MYOM2: variants seen among roughly 807,000 people sequenced by gnomAD.
MYOM2 encodes the protein myomesin-2.
In MYOM2, 254 loss-of-function variants were observed where a neutral mutation model predicts 187.6. That is an observed-to-expected ratio of 1.35 (90% CI 1.22 to 1.50). MYOM2 has a LOEUF of 1.50. MYOM2 is among the 40% of genes most tolerant of loss of function. The pLI is 0.00. For synonymous variants in MYOM2, 981 were observed against 753.8 expected (o/e 1.30, Z -4.94); for missense variants, 2,796 against 1,924.0 (o/e 1.45, Z -8.48).
At chr8:2,123,452 C>G in intron 29 of MYOM2, 87 bp downstream of exon 29, 1 of 1,470,388 alleles carries the variant, frequency 6.8e-7, no homozygotes, top group East Asian at 2.3e-5. Flanking sequence ...TAATTTGCAT[C>G]CTGAATTTCG....
At chr8:2,105,177 C>T (rs62478420) in intron 21 of MYOM2, among the ~76,000 whole-genome samples, 26,849 of 152,050 alleles carry the variant, frequency 0.18, 2,780 homozygotes, top group East Asian at 0.27. Flanking sequence ...AACCACAGCC[C>T]CAGAGTGTGA....
intron 32 of MYOM2, among the ~76,000 whole-genome samples, chr8:2,139,365 T>A (rs1798197053): frequency 6.6e-6 from 1 of 151,960 alleles, no homozygotes; most frequent in African/African-American, 2.4e-5. Flanking sequence ...GGTCTCCAAC[T>A]CCTGGGCTCA....
chr8:2,050,864 C>T lies in MYOM2; in HGVS notation c.98C>T (p.Ala33Val), dbSNP rs35578989. ...IQTRYLLDEY[A>V]SKKRASTQAS... ...ACACGGTACCTGCTGGACGAATATG[C>T]GTCAAAAAAGTAAGCTGACATTCGC... is the stretch of plus-strand genomic sequence containing the variant. Residue 33 changes from alanine to valine, a missense_variant, in exon 2 of 37, where the codon GCG (alanine) becomes GTG (valine). Transcript: ENST00000262113. 1.4e-5 allele frequency: 23 copies of T among 1,608,212 alleles called. No individual in the cohort carries two copies. In the South Asian group the frequency reaches 1.5e-4, roughly 11 times the overall value.
chr8:2,052,117 G>C (rs1326632392), intron 2 of MYOM2, 41 bp from the exon 3 acceptor site: 1 of 1,610,466 alleles, frequency 6.2e-7, no homozygotes, highest in Admixed American at 1.7e-5. Flanking sequence ...TCCATACTGT[G>C]CCTGAGCATG....
intron 13 of MYOM2, among the ~76,000 whole-genome samples, chr8:2,083,421 T>C (rs1480483703): frequency 1.1e-4 from 15 of 140,520 alleles, no homozygotes; most frequent in Non-Finnish European, 1.9e-4. Flanking sequence ...TCACGTGTGC[T>C]TAGCAGTATC....
intron 17 of MYOM2, among the ~76,000 whole-genome samples, chr8:2,094,612 C>T (rs558641385): frequency 1.3e-5 from 2 of 152,338 alleles, no homozygotes; most frequent in East Asian, 1.9e-4. Flanking sequence ...GATCGTGCCA[C>T]TGTACTCCAG....
chr8:2,073,859 G>A (rs1050901886), intron 10 of MYOM2, among the ~76,000 whole-genome samples: 22 of 152,212 alleles, frequency 1.4e-4, no homozygotes, highest in African/African-American at 5.3e-4. Flanking sequence ...CACAGTGTTG[G>A]AGTCCCAGGG....
chr8:2,140,704 T>TC lies in MYOM2; in HGVS notation c.3801-17dup. On this transcript the variant is annotated intron_variant, in intron 32 of 36. Coordinates refer to ENST00000262113, the MANE Select transcript of MYOM2 (RefSeq NM_003970.4). The stretch of plus-strand genomic sequence containing the variant: ...CATGGAGACCCTAACTCAGATACGT[T>TC]CCTGTTGCTCTTTTCAAGAGATGCT... 6.2e-7 allele frequency: 1 copy of TC among 1,612,352 alleles called. No homozygotes were observed. Among genetic ancestry groups the TC allele is most frequent in the Non-Finnish European group, 8.5e-7 (1 of 1,178,942 alleles).
chr8:2,144,426 G>A (rs886900007), intron 36 of MYOM2, among the ~76,000 whole-genome samples: 1 of 152,162 alleles, frequency 6.6e-6, no homozygotes, highest in African/African-American at 2.4e-5. Flanking sequence ...AGAATAAATA[G>A]GACACATGCT....
At chr8:2,130,839 C>G (rs780673606) in intron 32 of MYOM2, among the ~76,000 whole-genome samples, 29 of 152,136 alleles carry the variant, frequency 1.9e-4, no homozygotes, top group Non-Finnish European at 3.5e-4. Context: ...AATTGTTTAT[C>G]GGGATTTATT....
chr8:2,057,821 G>C (rs781658224), intron 5 of MYOM2, 41 bp downstream of exon 5: 3 of 1,593,960 alleles, frequency 1.9e-6, no homozygotes, highest in Non-Finnish European at 2.6e-6. Context: ...AGTCCATTCT[G>C]CGTTTTCTTT....
chr8:2,114,681 G>A (rs1186220323), intron 25 of MYOM2, among the ~76,000 whole-genome samples: 1 of 152,154 alleles, frequency 6.6e-6, no homozygotes, highest in Non-Finnish European at 1.5e-5. Flanking sequence ...TGTTGGCCAA[G>A]CTGGTCTCGA....
rs369321064 is a variant in MYOM2, at chr8:2,064,755, A to C, written c.654-4523A>C. On this transcript the variant is annotated intron_variant, in intron 6 of 36. Transcript: ENST00000262113. ...CGAGGGGGGCCGTGGCCTGGGGAAC[A>C]CATCTCCCTCCTCCTTCTCCTCCAT... 3.9e-5 allele frequency among the ~76,000 whole-genome samples: 6 copies of C among 152,268 alleles called. No individual in the cohort carries two copies. In the East Asian group the frequency reaches 1.2e-3, roughly 29 times the overall value.
chr8:2,104,057 C>T (rs768281348), intron 21 of MYOM2, among the ~76,000 whole-genome samples: 5 of 152,304 alleles, frequency 3.3e-5, no homozygotes, highest in Admixed American at 6.5e-5. Context: ...CATCTTCATG[C>T]TTGGCAGGGG....
chr8:2,105,285 C>T (rs1236640365), intron 21 of MYOM2, among the ~76,000 whole-genome samples: 1 of 152,220 alleles, frequency 6.6e-6, no homozygotes, highest in East Asian at 1.9e-4. Flanking sequence ...GCTTTCCTTG[C>T]ATCTGTGTCT....
chr8:2,072,345 T>G lies in MYOM2; in HGVS notation c.794T>G (p.Leu265Trp). 2.5e-6 allele frequency: 4 copies of G among 1,612,722 alleles called. No homozygotes were observed. The highest frequency in any genetic ancestry group is 3.4e-6 in the Non-Finnish European group (4 of 1,179,254). Residue 265 changes from leucine to tryptophan, a missense_variant and splice_region_variant, in exon 9 of 37, where the codon TTG becomes TGG. Leu to Trp is a moderately conservative substitution (Grantham distance 61). Transcript: ENST00000262113. ...PFRSVGLPIGLPLSSMIPYTH... is the reference protein window; with the variant it reads ...PFRSVGLPIGWPLSSMIPYTH... ...GAAAGCCTCCATCGTTTCTGTGCAG[T>G]GCCCCTGTCATCGATGATTCCGTAC...
intron 32 of MYOM2, among the ~76,000 whole-genome samples, chr8:2,131,875 C>A (rs1401490730): frequency 6.6e-6 from 1 of 152,082 alleles, no homozygotes; most frequent in African/African-American, 2.4e-5. Context: ...AATCTCCTGA[C>A]CTCGTGATCC....
At chr8:2,099,682 G>A (rs1054767084) in intron 19 of MYOM2, among the ~76,000 whole-genome samples, 2 of 152,214 alleles carry the variant, frequency 1.3e-5, no homozygotes, top group African/African-American at 4.8e-5. Flanking sequence ...AGCCTTATGA[G>A]TAGCTGGGGC....
chr8:2,092,577 A>C, intron 16 of MYOM2, 57 bp downstream of exon 16: 1 of 1,570,586 alleles, frequency 6.4e-7, no homozygotes, highest in South Asian at 1.2e-5. Context: ...AAGACCGTTG[A>C]GGTCCCTGTG....
Sources: allele counts gnomAD v4.1 joint callset (sites outside exome capture counted in the v4.1 genomes callset), GRCh38; gene constraint gnomAD v4.1.1; transcripts MANE v1.5; gene names NCBI Gene and HGNC (gene_info 2026-07-23, HGNC 2026-07-21).